The following PRKCB variants were observed in gnomAD, a reference collection of about 807,000 sequenced individuals.
The protein encoded by PRKCB is protein kinase C beta type.
PRKCB carries 13 observed loss-of-function variants against 81.5 expected under a neutral mutation model. That is an observed-to-expected ratio of 0.16 (90% confidence interval 0.10 to 0.25). The LOEUF is 0.25. Among genes scored for constraint, PRKCB ranks in the 10% least tolerant of loss-of-function variants. The probability of loss-of-function intolerance (pLI) is 1.00; values close to 1 mark genes in which losing one functional copy is unlikely to be tolerated. For missense variants in PRKCB, 509 were observed against 875.7 expected, an observed-to-expected ratio of 0.58 and a Z score of 5.29; for synonymous variants, 335 against 321.4, an observed-to-expected ratio of 1.04 and a Z score of -0.45.
At chr16:23,973,170 A>AT (rs1270911071) in intron 2 of PRKCB, among the ~76,000 whole-genome samples, 4 of 151,634 alleles carry the variant, frequency 2.6e-5, no homozygotes, top group Non-Finnish European at 4.4e-5. Context: ...CAGTGAAATG[A>AT]TTTTTTTCTT....
At chr16:23,983,861 G>A (rs1012674491) in intron 2 of PRKCB, among the ~76,000 whole-genome samples, 3 of 151,960 alleles carry the variant, frequency 2.0e-5, no homozygotes, top group Admixed American at 2.0e-4. Context: ...GATTACCGGG[G>A]CCTGCCACCA....
chr16:24,080,479 A>G (rs933146242), intron 5 of PRKCB, among the ~76,000 whole-genome samples: 6 of 151,962 alleles, frequency 3.9e-5, no homozygotes, highest in Admixed American at 6.6e-5. Flanking sequence ...ACTCACTAAG[A>G]CTGGCATTGA....
chr16:24,212,759 G>A (rs548466840), intron 16 of PRKCB, among the ~76,000 whole-genome samples: 4 of 152,080 alleles, frequency 2.6e-5, no homozygotes, highest in African/African-American at 7.2e-5. Context: ...GAACCACCAC[G>A]CCTGGCCCAG....
At chr16:24,046,339 G>A (rs1355216331) in intron 5 of PRKCB, among the ~76,000 whole-genome samples, 2 of 152,224 alleles carry the variant, frequency 1.3e-5, no homozygotes, top group African/African-American at 4.8e-5. Flanking sequence ...CCATGTGCTG[G>A]GCACTGCTTA....
Position 24,049,788 on chromosome 16 carries a change from G to A in PRKCB, c.529+14241G>A, listed in dbSNP as rs1463187076. ...AAACTCCAGAAACAAAGTGGTTTGT[G>A]TACATGGGAGGAAGCAGAATCAACT... On this transcript the variant is annotated intron_variant, in intron 5 of 16. Coordinates refer to ENST00000643927, the MANE Select transcript of PRKCB (RefSeq NM_002738.7). Among the ~76,000 whole-genome samples, 4 of 152,228 alleles carry A rather than the reference G, an allele frequency of 2.6e-5. No homozygotes were observed. In the East Asian group the frequency reaches 7.7e-4, roughly 29 times the overall value.
intron 5 of PRKCB, among the ~76,000 whole-genome samples, chr16:24,059,222 G>A (rs1965942554): frequency 1.3e-5 from 2 of 152,182 alleles, no homozygotes; most frequent in Admixed American, 1.3e-4. Flanking sequence ...GGGGTCACCG[G>A]CCCTAACAGT....
At chr16:24,180,499 C>T (rs1967600951) in intron 12 of PRKCB, among the ~76,000 whole-genome samples, 1 of 152,062 alleles carries the variant, frequency 6.6e-6, no homozygotes, top group Non-Finnish European at 1.5e-5. Flanking sequence ...GATGCTCTGC[C>T]CTTTGCTTAA....
chr16:23,906,580 G>C (rs898203577), intron 2 of PRKCB, among the ~76,000 whole-genome samples: 2 of 151,996 alleles, frequency 1.3e-5, no homozygotes, highest in African/African-American at 4.8e-5. Flanking sequence ...GCTTAGAAAG[G>C]CCTCTTACTC....
intron 2 of PRKCB, among the ~76,000 whole-genome samples, chr16:23,920,185 G>C (rs72777986): frequency 6.6e-6 from 1 of 152,052 alleles, no homozygotes; most frequent in African/African-American, 2.4e-5. Flanking sequence ...TTTGATAGTA[G>C]CCATTTAATG....
At chr16:24,201,980 G>A (rs1446059942) in intron 16 of PRKCB, among the ~76,000 whole-genome samples, 4 of 151,126 alleles carry the variant, frequency 2.6e-5, no homozygotes, top group Non-Finnish European at 1.5e-5. Flanking sequence ...AGCTTGCAGT[G>A]AGCTGAGATA....
chr16:23,842,729 G>A (rs1962288387), intron 2 of PRKCB, among the ~76,000 whole-genome samples: 1 of 152,068 alleles, frequency 6.6e-6, no homozygotes, highest in Non-Finnish European at 1.5e-5. Flanking sequence ...TCTTCTAATT[G>A]AAATTATTCT....
intron 2 of PRKCB, among the ~76,000 whole-genome samples, chr16:23,856,029 T>A (rs1962560280): frequency 6.6e-6 from 1 of 152,188 alleles, no homozygotes; most frequent in Non-Finnish European, 1.5e-5. Flanking sequence ...TAGAGGTTCA[T>A]TTCAAACTAT....
chr16:24,072,261 A>T (rs945261358), intron 5 of PRKCB, among the ~76,000 whole-genome samples: 1 of 151,748 alleles, frequency 6.6e-6, no homozygotes, highest in African/African-American at 2.4e-5. Context: ...GCAACCATCA[A>T]TCTGCTTTTG....
rs538735793 is a variant in PRKCB at position 24,009,778 on chromosome 16, C to A, written c.288+21188C>A. On this transcript the variant is annotated intron_variant, in intron 3 of 16. Coordinates refer to ENST00000643927, the MANE Select transcript of PRKCB (RefSeq NM_002738.7). Reference sequence around the variant, plus strand: ...TCTGTAATCCCAGCACTTTGGGAGGCCGAGGTAGGGGGGATCACTTGAGGT... The same window carrying A: ...TCTGTAATCCCAGCACTTTGGGAGGACGAGGTAGGGGGGATCACTTGAGGT... Among the ~76,000 whole-genome samples the A allele has an allele frequency of 1.3e-4, 19 of 152,000 alleles. No homozygotes were observed. The East Asian group carries it at 3.5e-3, about 28-fold the overall frequency.
At chr16:24,172,697 T>G (rs1244980709) in intron 11 of PRKCB, among the ~76,000 whole-genome samples, 11 of 152,010 alleles carry the variant, frequency 7.2e-5, no homozygotes, top group African/African-American at 2.7e-4. Context: ...AATAAAAAAC[T>G]TAGCTGGGCA....
At chr16:23,869,748 G>A (rs887259394) in intron 2 of PRKCB, among the ~76,000 whole-genome samples, 8 of 152,098 alleles carry the variant, frequency 5.3e-5, no homozygotes, top group Admixed American at 3.9e-4. Flanking sequence ...ATAACTATAA[G>A]CAGTGGCTCA....
At chr16:24,014,132 G>A (rs1479944054) in intron 3 of PRKCB, among the ~76,000 whole-genome samples, 1 of 152,210 alleles carries the variant, frequency 6.6e-6, no homozygotes, top group South Asian at 2.1e-4. Context: ...ATCCAGGGCT[G>A]CACCTGGAAA....
chr16:23,961,746 G>T (rs1301937481), intron 2 of PRKCB, among the ~76,000 whole-genome samples: 2 of 152,026 alleles, frequency 1.3e-5, no homozygotes, highest in Non-Finnish European at 2.9e-5. Flanking sequence ...TTACTTGCCA[G>T]TTGAGCATCC....
chr16:23,924,615 T>G (rs370772645), intron 2 of PRKCB, among the ~76,000 whole-genome samples: 11 of 152,114 alleles, frequency 7.2e-5, no homozygotes, highest in African/African-American at 2.7e-4. Flanking sequence ...TTATCTTTGT[T>G]TAGTTACTTC....
Sources: gnomAD v4.1 joint callset for allele counts (sites outside exome capture counted in the v4.1 genomes callset) on GRCh38, gnomAD v4.1.1 for gene constraint, MANE v1.5 for transcripts, NCBI Gene and HGNC (gene_info 2026-07-23, HGNC 2026-07-21) for gene names.